Variants in PRIM2 observed in about 807,000 individuals in gnomAD.
PRIM2 encodes DNA primase large subunit.
Under a neutral mutation model 67.3 loss-of-function variants are expected in PRIM2, and 39 were observed. The observed-to-expected ratio is 0.58, with a 90% confidence interval of 0.45 to 0.76. The LOEUF (loss-of-function observed/expected upper bound fraction) is 0.76, where lower values mean the gene tolerates loss of function less well. Among genes scored for constraint, PRIM2 ranks in the 30% least tolerant of loss-of-function variants. PRIM2 has a pLI of 0.00. For synonymous variants in PRIM2, 143 were observed against 198.7 expected (o/e 0.72, Z 2.36); for missense variants, 398 against 598.7 (o/e 0.66, Z 3.50).
the PRIM2 span, among the ~76,000 whole-genome samples, chr6:57,276,986 A>C: frequency 2.6e-5 from 4 of 151,768 alleles, no homozygotes; most frequent in Admixed American, 2.6e-4. Context: ...GAAAAAGGAG[A>C]GGAGGAAGAG....
chr6:57,522,668 A>G (rs1432658319), intron 8 of PRIM2, among the ~76,000 whole-genome samples: 3 of 152,156 alleles, frequency 2.0e-5, no homozygotes, highest in African/African-American at 7.2e-5. Flanking sequence ...ATATTTTAAT[A>G]TGTAATCACT....
intron 8 of PRIM2, among the ~76,000 whole-genome samples, chr6:57,517,112 C>T (rs1554348357): frequency 3.9e-5 from 6 of 152,074 alleles, no homozygotes; most frequent in South Asian, 2.1e-4. Context: ...ACCAAGATAC[C>T]GCTGGAAAGT....
At chr6:57,254,917 G>T in the PRIM2 span, among the ~76,000 whole-genome samples, 16 of 152,306 alleles carry the variant, frequency 1.1e-4, 2 homozygotes, top group African/African-American at 3.8e-4. Context: ...CTAACACACA[G>T]ACATATAGCT....
chr6:57,255,795 T>C, the PRIM2 span, among the ~76,000 whole-genome samples: 2 of 152,126 alleles, frequency 1.3e-5, no homozygotes, highest in Non-Finnish European at 2.9e-5. Flanking sequence ...GATACAAATA[T>C]GAATAAGACA....
intron 10 of PRIM2, among the ~76,000 whole-genome samples, chr6:57,571,172 T>G (rs1775856488): frequency 6.6e-6 from 1 of 152,204 alleles, no homozygotes. Flanking sequence ...TGTCAAAAGA[T>G]TTTGCATAAA....
rs1554347346 is a variant in PRIM2, at chr6:57,507,793, T to A, written c.761+339T>A. 2.2e-4 allele frequency among the ~76,000 whole-genome samples: 33 copies of A among 152,252 alleles called. No homozygotes were observed. The East Asian group carries it at 6.2e-3, about 29-fold the overall frequency. On this transcript the variant is annotated intron_variant, in intron 8 of 13. Coordinates refer to ENST00000615550, the MANE Select transcript of PRIM2 (RefSeq NM_000947.5). ...AAGGCATACTTTTATTGAGGATAGA[T>A]GAGTTAGATGGAGTTTGTTTCTAAA...
In PRIM2 at chr6:57,492,859, A is replaced by G. The variant is rs1420444472; in HGVS notation, c.694-14528A>G. On this transcript the variant is annotated intron_variant, in intron 7 of 13. Transcript: ENST00000615550. Reference sequence around the variant, plus strand: ...GTTGAGCAACTTAAGAACTGCCTTTAAGACTTCCATTTTATTAAGAATTTG... The same window carrying G: ...GTTGAGCAACTTAAGAACTGCCTTTGAGACTTCCATTTTATTAAGAATTTG... Among the ~76,000 whole-genome samples, 4 of 152,212 alleles carry G rather than the reference A, an allele frequency of 2.6e-5. No individual in the cohort carries two copies. The East Asian group carries it at 7.7e-4, about 29-fold the overall frequency.
At chr6:57,522,634 A>C (rs1774649561) in intron 8 of PRIM2, among the ~76,000 whole-genome samples, 1 of 152,154 alleles carries the variant, frequency 6.6e-6, no homozygotes, top group South Asian at 2.1e-4. Flanking sequence ...GACTACAGAT[A>C]TGTGCCACCA....
At chr6:57,486,103 G>A (rs1363824291) in intron 7 of PRIM2, among the ~76,000 whole-genome samples, 1 of 152,214 alleles carries the variant, frequency 6.6e-6, no homozygotes, top group Non-Finnish European at 1.5e-5. Flanking sequence ...AGGTGTGGAA[G>A]TGCTGGACCA....
At chr6:57,624,406 C>G (rs1168611495) in intron 12 of PRIM2, among the ~76,000 whole-genome samples, 1 of 152,172 alleles carries the variant, frequency 6.6e-6, no homozygotes. Flanking sequence ...AATTGCTTCT[C>G]AACAATCCTT....
intron 10 of PRIM2, among the ~76,000 whole-genome samples, chr6:57,600,841 A>T (rs1346490169): frequency 6.6e-6 from 1 of 152,224 alleles, no homozygotes; most frequent in African/African-American, 2.4e-5. Context: ...CTTTAAACGT[A>T]TAGGTAACAT....
At chr6:57,594,934 G>A (rs2127489658) in intron 10 of PRIM2, among the ~76,000 whole-genome samples, 1 of 152,208 alleles carries the variant, frequency 6.6e-6, no homozygotes, top group African/African-American at 2.4e-5. Context: ...TTAAAAGAAG[G>A]CAATCAGCAT....
intron 10 of PRIM2, among the ~76,000 whole-genome samples, chr6:57,560,561 A>G (rs1396137832): frequency 1.3e-5 from 2 of 151,564 alleles, no homozygotes; most frequent in African/African-American, 2.4e-5. Context: ...ATCACAATCT[A>G]TGGCAATGAT....
intron 7 of PRIM2, among the ~76,000 whole-genome samples, chr6:57,462,460 G>T (rs34617272): frequency 1.3e-5 from 2 of 152,202 alleles, no homozygotes; most frequent in Non-Finnish European, 2.9e-5. Flanking sequence ...TTAGATAAAT[G>T]AGATTAATTA....
chr6:57,405,170 G>A (rs1324163631), intron 7 of PRIM2, among the ~76,000 whole-genome samples: 1 of 152,216 alleles, frequency 6.6e-6, no homozygotes, highest in Non-Finnish European at 1.5e-5. Context: ...TGGTGGGGAG[G>A]GGTACTTGTA....
At chr6:57,472,322 C>G (rs1330273425) in intron 7 of PRIM2, among the ~76,000 whole-genome samples, 1 of 150,332 alleles carries the variant, frequency 6.7e-6, no homozygotes, top group Admixed American at 6.6e-5. Context: ...ACCAGCTACT[C>G]GGGAGGCTGA....
At chr6:57,606,928 T>C (rs1776573618) in intron 12 of PRIM2, among the ~76,000 whole-genome samples, 1 of 152,220 alleles carries the variant, frequency 6.6e-6, no homozygotes, top group South Asian at 2.1e-4. Context: ...TGATGGTAGA[T>C]CAAATAGTTT....
intron 13 of PRIM2, among the ~76,000 whole-genome samples, chr6:57,633,096 A>C (rs1186062406): frequency 2.0e-5 from 3 of 152,232 alleles, no homozygotes; most frequent in Admixed American, 2.0e-4. Flanking sequence ...AGAGTACGGC[A>C]GAATTATGGT....
At chr6:57,260,950 G>A in the PRIM2 span, among the ~76,000 whole-genome samples, 1 of 152,174 alleles carries the variant, frequency 6.6e-6, no homozygotes, top group African/African-American at 2.4e-5. Context: ...GCTAAAAAGT[G>A]GACCAGAACA....
Sources: gnomAD v4.1 joint callset for allele counts (sites outside exome capture counted in the v4.1 genomes callset) on GRCh38, gnomAD v4.1.1 for gene constraint, MANE v1.5 for transcripts, NCBI Gene and HGNC (gene_info 2026-07-23, HGNC 2026-07-21) for gene names.